Variants in FOXP4 observed in about 807,000 individuals in gnomAD.
The protein encoded by FOXP4 is forkhead box protein P4.
In FOXP4, 25 loss-of-function variants were observed where a neutral mutation model predicts 82.6. The ratio of observed to expected loss-of-function variants is 0.30; its 90% CI spans 0.22 to 0.42. The LOEUF is 0.42. FOXP4 is among the 10% of genes least tolerant of loss of function. FOXP4 has a pLI of 1.00. For synonymous variants in FOXP4, 415 were observed against 388.2 expected (o/e 1.07, Z -0.81); for missense variants, 785 against 900.9 (o/e 0.87, Z 1.65).
At chr6:41,582,667 CAG>C (rs1257041706) in intron 3 of FOXP4, among the ~76,000 whole-genome samples, 3 of 152,240 alleles carry the variant, frequency 2.0e-5, no homozygotes, top group African/African-American at 7.2e-5. Context: ...CACCCAACAA[CAG>C]ACTTAGGGGC....
intron 1 of FOXP4, among the ~76,000 whole-genome samples, chr6:41,556,143 T>C (rs1764263712): frequency 6.6e-6 from 1 of 151,664 alleles, no homozygotes; most frequent in Non-Finnish European, 1.5e-5. Context: ...GGAGCACTGG[T>C]TTAGGAGTCA....
In FOXP4 at chr6:41,587,000, C is replaced by T. The variant is rs1284067557; in HGVS notation, c.511-9C>T. ...CCCTCTCTGCCCGCCCCCTCGGGCC[C>T]CTCACCAGGCACTGGGGAACAAGCA... is the stretch of plus-strand genomic sequence containing the variant. On this transcript the variant is annotated splice_polypyrimidine_tract_variant and intron_variant, in intron 5 of 16. Coordinates refer to ENST00000307972, the MANE Select transcript of FOXP4 (RefSeq NM_001012426.2). The T allele has an allele frequency of 6.3e-7, 1 of 1,575,082 alleles. No homozygotes were observed. Among genetic ancestry groups the T allele is most frequent in the African/African-American group, 1.3e-5 (1 of 74,476 alleles).
At chr6:41,555,865 A>C (rs1764247761) in intron 1 of FOXP4, among the ~76,000 whole-genome samples, 1 of 152,228 alleles carries the variant, frequency 6.6e-6, no homozygotes, top group South Asian at 2.1e-4. Context: ...GACTAATTAG[A>C]AGCTTAATTA....
chr6:41,596,666 C>G (rs1276491110), intron 14 of FOXP4, among the ~76,000 whole-genome samples: 1 of 152,140 alleles, frequency 6.6e-6, no homozygotes, highest in South Asian at 2.1e-4. Flanking sequence ...AACACCTTCC[C>G]GTGCAGAGAA....
intron 13 of FOXP4, among the ~76,000 whole-genome samples, chr6:41,592,403 G>C (rs1163245547): frequency 6.6e-6 from 1 of 152,140 alleles, no homozygotes; most frequent in African/African-American, 2.4e-5. Flanking sequence ...GGAGGCTGTT[G>C]GGACAGCTGC....
At chr6:41,560,145 C>G (rs1210804640) in intron 1 of FOXP4, among the ~76,000 whole-genome samples, 1 of 152,132 alleles carries the variant, frequency 6.6e-6, no homozygotes, top group African/African-American at 2.4e-5. Context: ...CCAAGTCACT[C>G]TAGTAGGCCA....
chr6:41,564,628 G>T (rs1266324623), intron 1 of FOXP4, among the ~76,000 whole-genome samples: 1 of 152,110 alleles, frequency 6.6e-6, no homozygotes, highest in East Asian at 1.9e-4. Context: ...TTTGCCTTGG[G>T]TATGTAACCT....
At position 41,598,972 on chromosome 6, in the gene FOXP4, C is replaced by A; in HGVS notation, c.*36C>A. The A allele has an allele frequency of 6.6e-7, 1 of 1,517,200 alleles. No individual in the cohort carries two copies. Among genetic ancestry groups the A allele is most frequent in the Non-Finnish European group, 8.8e-7 (1 of 1,136,446 alleles). 94.0% of individuals were successfully genotyped at this position (1,517,200 alleles called of 1,614,324 possible). On this transcript the variant is annotated 3_prime_UTR_variant, in exon 17 of 17. Transcript: ENST00000307972. ...TGACCGGCAGGGCTGGGGTGAGACC[C>A]CTCCCTTCCAGAATCCAGGCCCCAT...
At chr6:41,597,038 C>T (rs1766881556) in intron 14 of FOXP4, 138 bp from the exon 15 acceptor site, 6 of 841,276 alleles carry the variant, frequency 7.1e-6, no homozygotes, top group Non-Finnish European at 7.9e-6. Flanking sequence ...TCCAAGACAG[C>T]GGCTGATCCG....
At chr6:41,553,109 CCTT>C (rs1457434024) in intron 1 of FOXP4, among the ~76,000 whole-genome samples, 1 of 152,132 alleles carries the variant, frequency 6.6e-6, no homozygotes. Context: ...TTCCATGGGT[CCTT>C]CTTGAAAGGG....
At chr6:41,570,331 C>T (rs1235161708) in intron 2 of FOXP4, 7 of 471,086 alleles carry the variant, frequency 1.5e-5, no homozygotes, top group Admixed American at 2.3e-5. Flanking sequence ...ACGGACATCA[C>T]ACCAGTTCAT....
At chr6:41,588,083 CTA>C in intron 8 of FOXP4, among the ~76,000 whole-genome samples, 186 bp downstream of exon 8, 1 of 152,294 alleles carries the variant, frequency 6.6e-6, no homozygotes, top group South Asian at 2.1e-4. Flanking sequence ...CCTACCCTGT[CTA>C]TATTTCTGGG....
intron 3 of FOXP4, among the ~76,000 whole-genome samples, chr6:41,582,594 G>C (rs1581759402): frequency 6.6e-6 from 1 of 152,212 alleles, no homozygotes. Flanking sequence ...AGTGGTACTT[G>C]TTCCATGTCT....
intron 13 of FOXP4, among the ~76,000 whole-genome samples, chr6:41,592,065 G>A (rs1766547534): frequency 6.6e-6 from 1 of 152,024 alleles, no homozygotes; most frequent in African/African-American, 2.4e-5. Flanking sequence ...GGGCGGGGCG[G>A]GGGGAAGAAG....
intron 1 of FOXP4, among the ~76,000 whole-genome samples, chr6:41,555,006 A>T (rs765012771): frequency 2.0e-5 from 3 of 152,186 alleles, no homozygotes; most frequent in Non-Finnish European, 2.9e-5. Context: ...TAATCCCAGC[A>T]CTTGGGAGGC....
At chr6:41,584,441 C>G (rs776140170) in intron 3 of FOXP4, among the ~76,000 whole-genome samples, 7 of 152,258 alleles carry the variant, frequency 4.6e-5, no homozygotes, top group Non-Finnish European at 7.3e-5. Context: ...TCTTCCTGCT[C>G]TAAGGACAGC....
rs114305705 is a variant in FOXP4 at position 41,589,909 on chromosome 6, C to A, written c.1150-54C>A. On this transcript the variant is annotated intron_variant, in intron 10 of 16. Coordinates refer to ENST00000307972, the MANE Select transcript of FOXP4 (RefSeq NM_001012426.2). The stretch of plus-strand genomic sequence containing the variant: ...CAGAGCCTTCCACAGACCCTGGAGC[C>A]TCGGGACCCCCACCCTCGGGCACTG... The A allele has an allele frequency of 2.7e-3, 4,283 of 1,610,714 alleles. 97 individuals are homozygous for A. The African/African-American group carries it at 0.05, about 19-fold the overall frequency.
At chr6:41,589,575 TGGC>T (rs2127396227) in intron 9 of FOXP4, among the ~76,000 whole-genome samples, 193 bp from the exon 10 acceptor site, 1 of 152,288 alleles carries the variant, frequency 6.6e-6, no homozygotes, top group East Asian at 1.9e-4. Flanking sequence ...TTCATGGAGC[TGGC>T]AGCCCTTGAG....
At chr6:41,584,747 G>A (rs1320455756) in intron 3 of FOXP4, 22 bp from the exon 4 acceptor site, 4 of 1,566,164 alleles carry the variant, frequency 2.6e-6, no homozygotes, top group Non-Finnish European at 3.5e-6. Flanking sequence ...AGGGGACAGG[G>A]CTAACGGGCC....
Sources: allele counts gnomAD v4.1 joint callset (sites outside exome capture counted in the v4.1 genomes callset), GRCh38; gene constraint gnomAD v4.1.1; transcripts MANE v1.5; gene names NCBI Gene and HGNC (gene_info 2026-07-23, HGNC 2026-07-21).